The following PRRC1 variants were observed in gnomAD, a reference collection of about 807,000 sequenced individuals.
PRRC1 encodes the protein proline rich coiled-coil 1, also known as protein PRRC1.
Under a neutral mutation model 40.7 loss-of-function variants are expected in PRRC1, and 39 were observed. That is an observed-to-expected ratio of 0.96 (90% CI 0.74 to 1.25). The LOEUF (loss-of-function observed/expected upper bound fraction) is 1.25, where lower values mean the gene tolerates loss of function less well. Among genes scored for constraint, PRRC1 ranks in the 50% most tolerant of loss-of-function variants. The probability of loss-of-function intolerance (pLI) is 0.00; values close to 1 mark genes in which losing one functional copy is unlikely to be tolerated. For missense variants in PRRC1, 573 were observed against 548.3 expected (o/e 1.05, Z -0.45); for synonymous variants, 175 against 193.3 (o/e 0.91, Z 0.79).
intron 7 of PRRC1, among the ~76,000 whole-genome samples, chr5:127,539,472 T>C (rs183594387): frequency 2.0e-5 from 3 of 152,118 alleles, no homozygotes; most frequent in Non-Finnish European, 2.9e-5. Context: ...TCATAGTTAT[T>C]CAAAGTCGTG....
intron 7 of PRRC1, among the ~76,000 whole-genome samples, chr5:127,544,866 G>A (rs10155548): frequency 0.026 from 3,943 of 152,284 alleles, 171 homozygotes; most frequent in African/African-American, 0.09. Context: ...GCTTCGGCTC[G>A]AGCATGGTGC....
At chr5:127,524,344 T>C (rs890464621) in intron 2 of PRRC1, among the ~76,000 whole-genome samples, 187 bp from the exon 3 acceptor site, 2 of 152,198 alleles carry the variant, frequency 1.3e-5, no homozygotes, top group Admixed American at 6.5e-5. Context: ...CTTTTACTTA[T>C]GGGAGTTGAA....
At chr5:127,545,614 C>T (rs1267167697) in intron 7 of PRRC1, among the ~76,000 whole-genome samples, 1 of 129,230 alleles carries the variant, frequency 7.7e-6, no homozygotes, top group African/African-American at 3.0e-5. Flanking sequence ...GGAAGGGGAA[C>T]AGCACACTCT....
intron 3 of PRRC1, 51 bp from the exon 4 acceptor site, chr5:127,526,567 A>G: frequency 6.9e-7 from 1 of 1,459,304 alleles, no homozygotes; most frequent in Non-Finnish European, 9.3e-7. Flanking sequence ...TTTTTATAGG[A>G]AAAAGTTTAT....
At chr5:127,519,796 C>G (rs1767411697) in intron 1 of PRRC1, among the ~76,000 whole-genome samples, 1 of 152,206 alleles carries the variant, frequency 6.6e-6, no homozygotes, top group African/African-American at 2.4e-5. Flanking sequence ...GTCAGTGTCT[C>G]TACTTAGATG....
chr5:127,540,370 G>A (rs962144447), intron 7 of PRRC1, among the ~76,000 whole-genome samples: 1 of 151,730 alleles, frequency 6.6e-6, no homozygotes, highest in African/African-American at 2.4e-5. Flanking sequence ...CACCTTTTGC[G>A]GTATCATTGT....
intron 6 of PRRC1, among the ~76,000 whole-genome samples, chr5:127,538,290 C>T (rs908102169): frequency 2.0e-5 from 3 of 151,980 alleles, no homozygotes; most frequent in Non-Finnish European, 2.9e-5. Context: ...TGTCTGTTTA[C>T]CTCTGCTGTC....
chr5:127,554,102 G>C lies in PRRC1; in HGVS notation c.*2186G>C, dbSNP rs1247585026. 1.9e-6 allele frequency: 1 copy of C among 514,706 alleles called. No individual in the cohort carries two copies. The highest frequency in any genetic ancestry group is 1.9e-5 in the African/African-American group (1 of 51,300). 31.9% of individuals were successfully genotyped at this position (514,706 alleles called of 1,614,324 possible). A position where few individuals can be genotyped will look rare whatever the true frequency, so the allele number is the denominator to read the frequency against. The stretch of plus-strand genomic sequence containing the variant: ...CCCTGTTGTAAAAGGGGCAAGAAAA[G>C]TAACTCATCATCTCTAACACACCAT... On this transcript the variant is annotated 3_prime_UTR_variant, in exon 9 of 9. Coordinates refer to ENST00000296666, the MANE Select transcript of PRRC1 (RefSeq NM_130809.5).
At chr5:127,535,847 A>G (rs971950686) in intron 6 of PRRC1, among the ~76,000 whole-genome samples, 9 of 152,064 alleles carry the variant, frequency 5.9e-5, no homozygotes, top group Admixed American at 6.6e-5. Flanking sequence ...ACAAACCCAC[A>G]CTGACACTAG....
chr5:127,543,081 C>T (rs1237168593), intron 7 of PRRC1, among the ~76,000 whole-genome samples: 1 of 151,134 alleles, frequency 6.6e-6, no homozygotes, highest in African/African-American at 2.4e-5. Flanking sequence ...GTGACAAAAT[C>T]TCTCAGCATT....
At chr5:127,521,205 T>A (rs1767449700) in intron 1 of PRRC1, among the ~76,000 whole-genome samples, 1 of 152,174 alleles carries the variant, frequency 6.6e-6, no homozygotes, top group East Asian at 1.9e-4. Flanking sequence ...TGCCCCCAGT[T>A]TCAGTAAACA....
rs115145647 is a variant in PRRC1, at chr5:127,553,048, T to A, written c.*1132T>A. 1.4e-3 allele frequency: 1,031 copies of A among 735,792 alleles called. 13 individuals are homozygous for A. The African/African-American group carries it at 0.015, about 11-fold the overall frequency. 45.6% of individuals were successfully genotyped at this position (735,792 alleles called of 1,614,324 possible). On this transcript the variant is annotated 3_prime_UTR_variant, in exon 9 of 9. Transcript: ENST00000296666. ...AATGATAATTAAATAAATTTTTTTC[T>A]TAATACTGTTGGACTTTGTATATAC...
In PRRC1 at chr5:127,545,467, T is replaced by C. The variant is rs548325540; in HGVS notation, c.1026-2352T>C. Among the ~76,000 whole-genome samples the C allele has an allele frequency of 5.3e-5, 8 of 152,166 alleles. No homozygotes were observed. The South Asian group carries it at 1.7e-3, about 32-fold the overall frequency. ...GAATACTATGCAGCCATAAAAATGA[T>C]GAGTTCATGTCCTTTGTAAGGACAT... On this transcript the variant is annotated intron_variant, in intron 7 of 8. Coordinates refer to ENST00000296666, the MANE Select transcript of PRRC1 (RefSeq NM_130809.5).
At chr5:127,534,210 C>T (rs1044961168) in intron 6 of PRRC1, among the ~76,000 whole-genome samples, 1 of 151,952 alleles carries the variant, frequency 6.6e-6, no homozygotes, top group African/African-American at 2.4e-5. Flanking sequence ...TGTGTTATTA[C>T]CAGCATACAG....
In PRRC1 at chr5:127,547,915, A is replaced by T; in HGVS notation, c.1122A>T (p.Val374=). 6.2e-7 allele frequency: 1 copy of T among 1,610,680 alleles called. No individual in the cohort carries two copies. Among genetic ancestry groups the T allele is most frequent in the Non-Finnish European group, 8.5e-7 (1 of 1,176,910 alleles). ...CCACACCAGTGCCTTTGGAATTTGT[A>T]CAGCAGGTTGGTTTTCTCCTTTGCT... ...TQATPVPLEF[V]QQAQSLTPQD... Residue 374 remains valine, a synonymous_variant, in exon 8 of 9, where the codon GTA becomes GTT. Coordinates refer to ENST00000296666, the MANE Select transcript of PRRC1 (RefSeq NM_130809.5).
Position 127,553,904 on chromosome 5 carries a change from T to A in PRRC1, c.*1988T>A. The A allele has an allele frequency of 6.5e-7, 1 of 1,535,170 alleles. No homozygotes were observed. Among genetic ancestry groups the A allele is most frequent in the Non-Finnish European group, 8.7e-7 (1 of 1,146,326 alleles). ...CTGGTAAGCCTCCTGCTCGGAACCG[T>A]GTGAGTGGGTGAGGAAGATGAGAGA... On this transcript the variant is annotated 3_prime_UTR_variant, in exon 9 of 9. Coordinates refer to ENST00000296666, the MANE Select transcript of PRRC1 (RefSeq NM_130809.5).
chr5:127,553,460 G>T lies in PRRC1; in HGVS notation c.*1544G>T, dbSNP rs1768443683. 1 of 1,117,646 alleles carries T rather than the reference G, an allele frequency of 8.9e-7. No individual in the cohort carries two copies. Among genetic ancestry groups the T allele is most frequent in the Non-Finnish European group, 1.1e-6 (1 of 911,168 alleles). 69.2% of individuals were successfully genotyped at this position (1,117,646 alleles called of 1,614,324 possible). ...GGTTGCCTTGGTGTACTTTTGTCCAGGAGTAACAGGGACAGAATACTTTCT... is the reference window on the plus strand; with the variant it reads ...GGTTGCCTTGGTGTACTTTTGTCCATGAGTAACAGGGACAGAATACTTTCT... On this transcript the variant is annotated 3_prime_UTR_variant, in exon 9 of 9. Coordinates refer to ENST00000296666, the MANE Select transcript of PRRC1 (RefSeq NM_130809.5).
intron 2 of PRRC1, 140 bp from the exon 3 acceptor site, chr5:127,524,391 A>G (rs1767545262): frequency 2.7e-6 from 2 of 752,732 alleles, no homozygotes. Flanking sequence ...TGTATATTTT[A>G]AATTACACAT....
rs1471369683 is a variant in PRRC1, at chr5:127,523,542, G to A, written c.63G>A (p.Gly21=). The A allele has an allele frequency of 1.2e-6, 2 of 1,612,830 alleles. No homozygotes were observed. The highest frequency in any genetic ancestry group is 3.4e-5 in the Admixed American group (2 of 59,650). The part of the protein sequence containing the change: ...PPGTPPPNPA[G]LAATAMSSTP... ...GGACTCCTCCACCAAATCCTGCAGG[G>A]CTGGCTGCTACTGCTATGTCTTCTA... The change falls in exon 2 of 9, where the codon GGG becomes GGA. Residue 21 remains glycine (G), a synonymous_variant. Coordinates refer to ENST00000296666, the MANE Select transcript of PRRC1 (RefSeq NM_130809.5).
Sources: allele counts gnomAD v4.1 joint callset (sites outside exome capture counted in the v4.1 genomes callset), GRCh38; gene constraint gnomAD v4.1.1; transcripts MANE v1.5; gene names NCBI Gene and HGNC (gene_info 2026-07-23, HGNC 2026-07-21).